Variants in PKM observed in about 807,000 individuals in gnomAD.
The protein encoded by PKM is pyruvate kinase M1/2, also known as pyruvate kinase PKM.
PKM carries 18 observed loss-of-function variants against 49.8 expected under a neutral mutation model. The ratio of observed to expected loss-of-function variants is 0.36; its 90% confidence interval spans 0.25 to 0.54. PKM has a LOEUF of 0.54. Among genes scored for constraint, PKM ranks in the 20% least tolerant of loss-of-function variants. The pLI is 0.89. For missense variants in PKM, 508 were observed against 713.8 expected (o/e 0.71, Z 3.28); for synonymous variants, 239 against 261.8 (o/e 0.91, Z 0.84).
intron 8 of PKM, 120 bp downstream of exon 8, chr15:72,206,608 A>T: frequency 2.1e-6 from 2 of 953,694 alleles, no homozygotes; most frequent in East Asian, 2.4e-5. Flanking sequence ...TGTAACTTGG[A>T]GGATAATGAA....
At position 72,221,980 on chromosome 15, in the gene PKM, A is replaced by T. The variant is rs560738860; in HGVS notation, c.-13-2870T>A. Among the ~76,000 whole-genome samples, 3 of 151,864 alleles carry T rather than the reference A, an allele frequency of 2.0e-5. No homozygotes were observed. In the East Asian group the frequency reaches 5.8e-4, roughly 29 times the overall value. On this transcript the variant is annotated intron_variant, in intron 1 of 10. Coordinates refer to ENST00000335181, the MANE Select transcript of PKM (RefSeq NM_002654.6). ...ATCCCATGCCTCAAACCTGTTAGTTACATGCCCAAATCCAGCAAACTAGTT... is the reference window on the plus strand; with the variant it reads ...ATCCCATGCCTCAAACCTGTTAGTTTCATGCCCAAATCCAGCAAACTAGTT...
rs766141000 is a variant in PKM at position 72,209,859 on chromosome 15, T to A, written c.379A>T (p.Ser127Cys). 14 of 1,613,836 alleles carry A rather than the reference T, an allele frequency of 8.7e-6. No homozygotes were observed. Among genetic ancestry groups the A allele is most frequent in the Non-Finnish European group, 1.2e-5 (14 of 1,179,832 alleles). The change falls in exon 5 of 11, where the codon AGC becomes TGC. Residue 127 changes from serine (S) to cysteine (C), a missense_variant and splice_region_variant. Physicochemically the swap from Ser to Cys is moderately radical, Grantham distance 112. Coordinates refer to ENST00000335181, the MANE Select transcript of PKM (RefSeq NM_002654.6). ...TTCAGCTCCACCTCTGCAGTGCCGC[T>A]CTAGGGACAAGAGAGTAAGCAAGAG... ...PEIRTGLIKG[S>C]GTAEVELKKG...
chr15:72,224,789 G>C (rs1478614479), intron 1 of PKM, among the ~76,000 whole-genome samples: 1 of 151,812 alleles, frequency 6.6e-6, no homozygotes, highest in Non-Finnish European at 1.5e-5. Context: ...AGGAAGTGGA[G>C]GCTGCAGTGA....
intron 6 of PKM, among the ~76,000 whole-genome samples, chr15:72,207,840 G>C (rs1395687514): frequency 6.6e-6 from 1 of 152,240 alleles, no homozygotes; most frequent in Admixed American, 6.5e-5. Flanking sequence ...TGGTACAGAG[G>C]ATATCTACAC....
At chr15:72,225,902 TA>T (rs2140803274) in intron 1 of PKM, among the ~76,000 whole-genome samples, 1 of 152,362 alleles carries the variant, frequency 6.6e-6, no homozygotes, top group African/African-American at 2.4e-5. Context: ...TTTCTATTTT[TA>T]CTAAATAAGG....
At chr15:72,207,305 G>A in intron 6 of PKM, 28 bp from the exon 7 acceptor site, 1 of 1,611,252 alleles carries the variant, frequency 6.2e-7, no homozygotes, top group Non-Finnish European at 8.5e-7. Flanking sequence ...GGGGAGAGAG[G>A]TTATATAGAA....
intron 3 of PKM, among the ~76,000 whole-genome samples, chr15:72,211,224 C>T (rs1385887048): frequency 1.3e-5 from 2 of 152,072 alleles, no homozygotes; most frequent in African/African-American, 2.4e-5. Context: ...CCCACCACCA[C>T]GCCTGGCTAA....
At chr15:72,199,995 G>A (rs1266386909) in intron 10 of PKM, among the ~76,000 whole-genome samples, 2 of 152,176 alleles carry the variant, frequency 1.3e-5, no homozygotes, top group African/African-American at 4.8e-5. Flanking sequence ...TGGAGAGGGT[G>A]CAAAGCCTTG....
At chr15:72,201,286 G>A (rs1414626263) in intron 9 of PKM, 1 of 152,356 alleles carries the variant, frequency 6.6e-6, no homozygotes, top group African/African-American at 2.4e-5. Context: ...CAGGAAATGG[G>A]AGTGTTGCTG....
chr15:72,224,912 T>C (rs986246099), intron 1 of PKM, among the ~76,000 whole-genome samples: 1 of 114,610 alleles, frequency 8.7e-6, no homozygotes, highest in Non-Finnish European at 1.7e-5. Flanking sequence ...TTTTCTTTAA[T>C]TTCTTTTTTC....
intron 1 of PKM, among the ~76,000 whole-genome samples, chr15:72,230,507 G>A (rs1462913886): frequency 6.6e-6 from 1 of 152,154 alleles, no homozygotes; most frequent in Non-Finnish European, 1.5e-5. Context: ...AGGCGAGGAA[G>A]GGGATGCGGG....
Position 72,199,728 on chromosome 15 carries a change from T to C in PKM, c.1518A>G (p.Gly506=), listed in dbSNP as rs796691806. ...VGKARGFFKK[G]DVVIVLTGWR... ...ATCCGGTCAGCACAATGACCACATC[T>C]CCCTTCTTGAAGAAGCCTCGGGCCT... The change falls in exon 11 of 11, where the codon GGA becomes GGG. Residue 506 remains glycine, a synonymous_variant. Coordinates refer to ENST00000335181, the MANE Select transcript of PKM (RefSeq NM_002654.6). 3.1e-6 allele frequency: 5 copies of C among 1,613,872 alleles called. No individual in the cohort carries two copies. In the African/African-American group the frequency reaches 6.7e-5, roughly 22 times the overall value.
chr15:72,207,054 G>A (rs2082102286), intron 7 of PKM, 73 bp downstream of exon 7: 1 of 1,576,068 alleles, frequency 6.3e-7, no homozygotes, highest in Non-Finnish European at 8.7e-7. Context: ...GAAGAGATCA[G>A]ACAGCCTCCA....
chr15:72,226,912 C>T (rs1005396584), intron 1 of PKM, among the ~76,000 whole-genome samples: 1 of 152,224 alleles, frequency 6.6e-6, no homozygotes, highest in African/African-American at 2.4e-5. Flanking sequence ...AGGGGCGGGG[C>T]TTCACCGCAC....
intron 10 of PKM, 110 bp from the exon 11 acceptor site, chr15:72,199,866 C>T: frequency 1.4e-6 from 1 of 736,596 alleles, no homozygotes; most frequent in South Asian, 1.5e-5. Flanking sequence ...ACCACTACTT[C>T]CTCACACCAC....
At chr15:72,212,955 G>A (rs952808677) in intron 3 of PKM, among the ~76,000 whole-genome samples, 3 of 152,088 alleles carry the variant, frequency 2.0e-5, no homozygotes, top group African/African-American at 7.2e-5. Flanking sequence ...GGCGCCTGTA[G>A]TCCCAGCTAC....
In PKM at chr15:72,199,375, T is replaced by C. The variant is rs1567096706; in HGVS notation, c.*275A>G. 3.1e-6 allele frequency: 2 copies of C among 646,350 alleles called. No homozygotes were observed. Among genetic ancestry groups the C allele is most frequent in the Middle Eastern group, 4.9e-4 (2 of 4,086 alleles). 40.0% of individuals were successfully genotyped at this position (646,350 alleles called of 1,614,324 possible). ...CACAGGAAAGGAAGCTGTCACCCTC[T>C]TGCCATCTGGCTCCAGGGGCCTCCA... On this transcript the variant is annotated 3_prime_UTR_variant, in exon 11 of 11. Transcript: ENST00000335181.
intron 1 of PKM, among the ~76,000 whole-genome samples, chr15:72,224,770 C>G (rs1033298823): frequency 5.3e-5 from 8 of 151,654 alleles, no homozygotes; most frequent in Admixed American, 4.6e-4. Flanking sequence ...CACAGAATTG[C>G]TTGAATCCAG....
rs1376340120 is a variant in PKM at position 72,202,729 on chromosome 15, C to T, written c.1141-109G>A. 2 of 1,003,750 alleles carry T rather than the reference C, an allele frequency of 2.0e-6. No individual in the cohort carries two copies. The highest frequency in any genetic ancestry group is 2.0e-5 in the Admixed American group (1 of 49,718). 62.2% of individuals were successfully genotyped at this position (1,003,750 alleles called of 1,614,324 possible). ...GAGTCACCGGACAGCTGGTGAGGAA[C>T]ATGTTCCTGGGAACAAAGGCCAAGA... On this transcript the variant is annotated intron_variant, in intron 8 of 10. Transcript: ENST00000335181. The surrounding 1 kb of genome is among the most constrained non-coding windows in gnomAD (Gnocchi z 4.5).
Sources: allele counts gnomAD v4.1 joint callset (sites outside exome capture counted in the v4.1 genomes callset), GRCh38; gene constraint gnomAD v4.1.1; non-coding constraint Gnocchi (gnomAD v3.1); transcripts MANE v1.5; gene names NCBI Gene and HGNC (gene_info 2026-07-23, HGNC 2026-07-21).